Variants in PLCZ1 observed in about 807,000 individuals in gnomAD.
PLCZ1 encodes the protein phospholipase C zeta 1.
Under a neutral mutation model 76.8 loss-of-function variants are expected in PLCZ1, and 64 were observed. That is an observed-to-expected ratio of 0.83 (90% CI 0.68 to 1.03). The LOEUF is 1.03. Among genes scored for constraint, PLCZ1 ranks in the 50% least tolerant of loss-of-function variants. PLCZ1 has a pLI of 0.00. For missense variants in PLCZ1, 751 were observed against 713.7 expected, an observed-to-expected ratio of 1.05 and a Z score of -0.60; for synonymous variants, 248 against 230.8, an observed-to-expected ratio of 1.07 and a Z score of -0.68.
the PLCZ1 span, among the ~76,000 whole-genome samples, chr12:18,664,204 CACAGTTTGGTGGTTCCTCAAAA>C: frequency 6.6e-6 from 1 of 152,146 alleles, no homozygotes; most frequent in Non-Finnish European, 1.5e-5. Context: ...CACTGTGGGA[CACAGTTTGGTGGTTCCTCAAAA>C]ACTTAAACAT....
the PLCZ1 span, among the ~76,000 whole-genome samples, chr12:18,656,962 C>G: frequency 6.6e-6 from 1 of 152,136 alleles, no homozygotes; most frequent in South Asian, 2.1e-4. Flanking sequence ...GCCCTAATGA[C>G]AGCAGCTCAC....
intron 12 of PLCZ1, chr12:18,693,718 C>T: frequency 6.4e-7 from 1 of 1,552,836 alleles, no homozygotes; most frequent in Non-Finnish European, 8.9e-7. Context: ...AACTGCTGAA[C>T]CAGTTGGATG....
At chr12:18,730,453 T>C (rs1276406639) in intron 3 of PLCZ1, among the ~76,000 whole-genome samples, 1 of 152,180 alleles carries the variant, frequency 6.6e-6, no homozygotes, top group East Asian at 1.9e-4. Context: ...TAGTTTATCA[T>C]GATTATCAGC....
chr12:18,719,722 A>G, intron 4 of PLCZ1, 90 bp from the exon 5 acceptor site: 1 of 809,518 alleles, frequency 1.2e-6, no homozygotes, highest in Non-Finnish European at 1.9e-6. Flanking sequence ...CTTACTCAGT[A>G]GTAGAGCATA....
At chr12:18,708,959 C>A (rs1565704607) in intron 6 of PLCZ1, among the ~76,000 whole-genome samples, 1 of 152,042 alleles carries the variant, frequency 6.6e-6, no homozygotes, top group Non-Finnish European at 1.5e-5. Flanking sequence ...AATTCATAGG[C>A]TGCCCTTTGA....
intron 7 of PLCZ1, among the ~76,000 whole-genome samples, chr12:18,702,202 T>C (rs908592353): frequency 1.1e-4 from 16 of 152,158 alleles, no homozygotes; most frequent in Middle Eastern, 3.4e-3. Flanking sequence ...TATTAAAATG[T>C]CTATCATAAG....
At chr12:18,673,690 A>T in the PLCZ1 span, among the ~76,000 whole-genome samples, 1 of 152,176 alleles carries the variant, frequency 6.6e-6, no homozygotes, top group Non-Finnish European at 1.5e-5. Flanking sequence ...CCTCTGATTC[A>T]CTGTCTCTCA....
downstream of PLCZ1, among the ~76,000 whole-genome samples, chr12:18,680,286 A>C (rs1009924471): frequency 1.3e-5 from 2 of 151,858 alleles, no homozygotes; most frequent in East Asian, 3.9e-4. Flanking sequence ...TGACTCCCAA[A>C]TTTCCTGAGA....
chr12:18,694,866 T>C, intron 12 of PLCZ1, 44 bp downstream of exon 12: 1 of 1,436,104 alleles, frequency 7.0e-7, no homozygotes, highest in Non-Finnish European at 9.6e-7. Context: ...CTATCTAGTT[T>C]ATATAATAAC....
At chr12:18,716,935 C>T (rs886674744) in intron 5 of PLCZ1, among the ~76,000 whole-genome samples, 11 of 151,882 alleles carry the variant, frequency 7.2e-5, no homozygotes, top group African/African-American at 2.7e-4. Flanking sequence ...ATGAGGAAAT[C>T]GAGATACACA....
chr12:18,647,864 C>A, the PLCZ1 span: 7 of 1,440,978 alleles, frequency 4.9e-6, no homozygotes, highest in African/African-American at 1.0e-4. Flanking sequence ...TCATTATTTT[C>A]TCCGTTTTTA....
Position 18,713,559 on chromosome 12 carries a change from C to T in PLCZ1, c.570-573G>A, listed in dbSNP as rs1957592855. Among the ~76,000 whole-genome samples the T allele has an allele frequency of 3.3e-5, 5 of 152,066 alleles. No homozygotes were observed. The South Asian group carries it at 1.0e-3, about 32-fold the overall frequency. ...GCTACACAGTATGGAAGCTAGAGGG[C>T]CTGGTGAATCAGCAAATAATCCTTA... is the stretch of plus-strand genomic sequence containing the variant. On this transcript the variant is annotated intron_variant, in intron 5 of 14. Coordinates refer to ENST00000266505, the MANE Select transcript of PLCZ1 (RefSeq NM_033123.4).
chr12:18,732,868 A>G (rs1366001331), intron 3 of PLCZ1, among the ~76,000 whole-genome samples: 1 of 152,240 alleles, frequency 6.6e-6, no homozygotes, highest in Non-Finnish European at 1.5e-5. Context: ...ATTCATTCAT[A>G]ATGGACAGTT....
chr12:18,691,980 C>T lies in PLCZ1; in HGVS notation c.1461+2930G>A, dbSNP rs575194235. Among the ~76,000 whole-genome samples the T allele has an allele frequency of 5.3e-5, 8 of 152,240 alleles. No individual in the cohort carries two copies. The South Asian group carries it at 1.7e-3, about 32-fold the overall frequency. On this transcript the variant is annotated intron_variant, in intron 12 of 14. Coordinates refer to ENST00000266505, the MANE Select transcript of PLCZ1 (RefSeq NM_033123.4). ...CCCATTCTCAGCTGAGATAAAGTGG[C>T]TAGGTCCTGAAGTAGACGTGGAGTG...
At chr12:18,683,173 A>G (rs1402950167), downstream of PLCZ1, 8 of 1,343,126 alleles carry the variant, frequency 6.0e-6, no homozygotes, top group Non-Finnish European at 8.5e-6. Flanking sequence ...AAGAAAACAT[A>G]AAGACATTCA....
the PLCZ1 span, among the ~76,000 whole-genome samples, chr12:18,675,316 T>C: frequency 1.3e-5 from 2 of 152,126 alleles, no homozygotes; most frequent in South Asian, 4.1e-4. Context: ...CACTCTGTTT[T>C]GGGGAAAGTT....
the PLCZ1 span, among the ~76,000 whole-genome samples, chr12:18,673,888 G>A: frequency 6.6e-6 from 1 of 152,296 alleles, no homozygotes; most frequent in African/African-American, 2.4e-5. Flanking sequence ...TCTTTCACAT[G>A]GCAGCTTGCT....
chr12:18,670,855 G>A, the PLCZ1 span, among the ~76,000 whole-genome samples: 45 of 152,174 alleles, frequency 3.0e-4, no homozygotes, highest in East Asian at 7.9e-3. Context: ...AATCAGTTAG[G>A]AAGCTTTCAA....
the PLCZ1 span, among the ~76,000 whole-genome samples, chr12:18,662,414 G>T: frequency 6.6e-6 from 1 of 151,218 alleles, no homozygotes; most frequent in Non-Finnish European, 1.5e-5. Flanking sequence ...ATAAACAAAA[G>T]CTGAGGAAAT....
Sources: gnomAD v4.1 joint callset for allele counts (sites outside exome capture counted in the v4.1 genomes callset) on GRCh38, gnomAD v4.1.1 for gene constraint, MANE v1.5 for transcripts, NCBI Gene and HGNC (gene_info 2026-07-23, HGNC 2026-07-21) for gene names.